CIP2A: variants seen among roughly 807,000 people sequenced by gnomAD.
CIP2A encodes the protein cellular inhibitor of PP2A, also known as protein CIP2A.
CIP2A carries 103 observed loss-of-function variants against 110.9 expected under a neutral mutation model. The observed-to-expected ratio is 0.93, with a 90% CI of 0.79 to 1.09. The LOEUF (loss-of-function observed/expected upper bound fraction) is 1.09, where lower values mean the gene tolerates loss of function less well. CIP2A is among the 50% of genes least tolerant of loss of function. The probability of loss-of-function intolerance (pLI) is 0.00; values close to 1 mark genes in which losing one functional copy is unlikely to be tolerated. For missense variants in CIP2A, 1,088 were observed against 1,038.4 expected (o/e 1.05, Z -0.66); for synonymous variants, 381 against 361.6 (o/e 1.05, Z -0.61).
intron 2 of CIP2A, 130 bp from the exon 3 acceptor site, chr3:108,583,213 T>A (rs555572201): frequency 2.2e-6 from 1 of 448,156 alleles, no homozygotes; most frequent in African/African-American, 2.0e-5. Flanking sequence ...TTATTTTCTT[T>A]ATGATAACCC....
chr3:108,580,288 G>A (rs973167893), intron 5 of CIP2A, among the ~76,000 whole-genome samples: 2 of 152,158 alleles, frequency 1.3e-5, no homozygotes, highest in African/African-American at 4.8e-5. Context: ...GGGTAGTTTC[G>A]TATATTGCTG....
chr3:108,583,046 T>C lies in CIP2A; in HGVS notation c.288A>G (p.Thr96=). Residue 96 remains threonine, a synonymous_variant, in exon 3 of 21, where the codon ACA becomes ACG. Coordinates refer to ENST00000295746, the MANE Select transcript of CIP2A (RefSeq NM_020890.3). ...DIETRDCLQN[T]YNLNSVLAGV... ...CCGCCAGCACACTATTCAGATTATA[T>C]GTATTCTGAAGACAATCTCTGGTTT... 2.5e-6 allele frequency: 4 copies of C among 1,604,606 alleles called. No individual in the cohort carries two copies. The highest frequency in any genetic ancestry group is 3.4e-6 in the Non-Finnish European group (4 of 1,175,538).
intron 20 of CIP2A, among the ~76,000 whole-genome samples, chr3:108,551,892 T>C (rs1274858015): frequency 5.3e-5 from 8 of 152,284 alleles, no homozygotes; most frequent in South Asian, 4.1e-4. Context: ...GTTTCTTCAG[T>C]TGTAAGTTGA....
Position 108,559,947 on chromosome 3 carries a change from T to G in CIP2A, c.1902+7A>C. 2 of 1,586,270 alleles carry G rather than the reference T, an allele frequency of 1.3e-6. No homozygotes were observed. Among genetic ancestry groups the G allele is most frequent in the Non-Finnish European group, 1.7e-6 (2 of 1,156,252 alleles). ...ATTACACATTGTTAAAATAAGCTTA[T>G]ACTCACAGCTAATGTGGATAGTTTC... On this transcript the variant is annotated splice_region_variant and intron_variant, in intron 15 of 20. Transcript: ENST00000295746.
intron 20 of CIP2A, 24 bp from the exon 21 acceptor site, chr3:108,551,343 G>T: frequency 6.4e-7 from 1 of 1,553,956 alleles, no homozygotes; most frequent in South Asian, 1.2e-5. Context: ...GTTGGGGGAG[G>T]AGGAAGAATT....
chr3:108,584,823 T>C lies in CIP2A; in HGVS notation c.250+242A>G, dbSNP rs929366215. On this transcript the variant is annotated intron_variant, in intron 2 of 20. Coordinates refer to ENST00000295746, the MANE Select transcript of CIP2A (RefSeq NM_020890.3). ...AGAACTAAAGAAATGGGGGAAAAGA[T>C]AGAAAAAGCAACATCAGTACTTTTA... The C allele has an allele frequency of 2.1e-5, 7 of 337,060 alleles. No homozygotes were observed. The East Asian group carries it at 2.8e-4, about 13-fold the overall frequency. The allele number at this position is 337,060 out of a possible 1,614,324, so 20.9% of individuals were successfully genotyped here.
At chr3:108,554,261 A>G in intron 18 of CIP2A, 115 bp downstream of exon 18, 6 of 549,992 alleles carry the variant, frequency 1.1e-5, no homozygotes, top group Non-Finnish European at 1.9e-5. Flanking sequence ...TCTTATATCT[A>G]AAATAAGTGA....
chr3:108,568,824 G>A (rs964163100), intron 9 of CIP2A, among the ~76,000 whole-genome samples: 2 of 151,878 alleles, frequency 1.3e-5, no homozygotes, highest in Admixed American at 1.3e-4. Flanking sequence ...TTGTTTGTGT[G>A]TAAGACCCAG....
chr3:108,575,330 GTGTATATATACATATACACA>G, intron 8 of CIP2A, among the ~76,000 whole-genome samples: 1 of 147,138 alleles, frequency 6.8e-6, no homozygotes, highest in Admixed American at 6.7e-5. Context: ...GTACACACAC[GTGTATATATACATATACACA>G]CATGTGTATA....
At chr3:108,574,445 T>C (rs751167123) in intron 8 of CIP2A, 2 of 152,218 alleles carry the variant, frequency 1.3e-5, no homozygotes, top group Non-Finnish European at 2.9e-5. Context: ...TGAACTTACG[T>C]ATATCCTATG....
At chr3:108,566,366 T>C (rs1033903757) in intron 11 of CIP2A, 131 bp downstream of exon 11, 12 of 659,320 alleles carry the variant, frequency 1.8e-5, no homozygotes, top group Admixed American at 1.2e-4. Flanking sequence ...AAATTCATTA[T>C]GAAAATATGT....
At chr3:108,551,834 T>C (rs1379223412) in intron 20 of CIP2A, among the ~76,000 whole-genome samples, 2 of 152,140 alleles carry the variant, frequency 1.3e-5, no homozygotes, top group African/African-American at 4.8e-5. Flanking sequence ...TATATACCTA[T>C]TGATTCACTT....
intron 17 of CIP2A, among the ~76,000 whole-genome samples, chr3:108,554,748 T>G (rs369539565): frequency 6.6e-6 from 1 of 152,220 alleles, no homozygotes; most frequent in Non-Finnish European, 1.5e-5. Context: ...TTTATGGATA[T>G]AAAGCCTTAT....
chr3:108,585,031 C>T (rs370239074), intron 2 of CIP2A, 34 bp downstream of exon 2: 97 of 1,583,112 alleles, frequency 6.1e-5, no homozygotes, highest in Non-Finnish European at 8.0e-5. Context: ...CATACATCTT[C>T]CAAAAACTAA....
Position 108,575,540 on chromosome 3 carries a change from T to A in CIP2A, c.894+731A>T, listed in dbSNP as rs1938570660. The stretch of plus-strand genomic sequence containing the variant: ...CATACATATATACACGTATATATAC[T>A]CATATACATGTGTATATATACGTGT... On this transcript the variant is annotated intron_variant, in intron 8 of 20. Coordinates refer to ENST00000295746, the MANE Select transcript of CIP2A (RefSeq NM_020890.3). Among the ~76,000 whole-genome samples, 2 of 150,182 alleles carry A rather than the reference T, an allele frequency of 1.3e-5. 1 individual carries two copies. Among genetic ancestry groups the A allele is most frequent in the Non-Finnish European group, 3.0e-5 (2 of 67,592 alleles).
rs1407298662 is a variant in CIP2A, at chr3:108,550,071, A to T, written c.*1078T>A. The T allele has an allele frequency of 6.6e-6, 1 of 152,026 alleles. No individual in the cohort carries two copies. The highest frequency in any genetic ancestry group is 1.5e-5 in the Non-Finnish European group (1 of 67,916). 9.4% of individuals were successfully genotyped at this position (152,026 alleles called of 1,614,324 possible). Reference sequence around the variant, plus strand: ...ATCTAAATTCACTTAAATCAAACAGACATATGGTGAAGAAAACACCAAGTA... The same window carrying T: ...ATCTAAATTCACTTAAATCAAACAGTCATATGGTGAAGAAAACACCAAGTA... On this transcript the variant is annotated 3_prime_UTR_variant, in exon 21 of 21. Transcript: ENST00000295746.
chr3:108,583,148 C>A, intron 2 of CIP2A, 65 bp from the exon 3 acceptor site: 1 of 813,320 alleles, frequency 1.2e-6, no homozygotes, highest in Non-Finnish European at 1.9e-6. Flanking sequence ...ATAATTCATA[C>A]AGAATTTATT....
chr3:108,589,398 A>G lies in CIP2A; in HGVS notation c.-23T>C. ...CATTGCACCGGCCGCGGCCCGGCTT[A>G]GGGACCACCACCGCCCAGCGTGCGC... On this transcript the variant is annotated 5_prime_UTR_variant, in exon 1 of 21. Transcript: ENST00000295746. 6.4e-7 allele frequency: 1 copy of G among 1,564,100 alleles called. No individual in the cohort carries two copies. The highest frequency in any genetic ancestry group is 8.8e-7 in the Non-Finnish European group (1 of 1,139,236).
chr3:108,564,625 TATA>T (rs1460240356), intron 12 of CIP2A, among the ~76,000 whole-genome samples: 3 of 151,924 alleles, frequency 2.0e-5, no homozygotes, highest in South Asian at 2.1e-4. Flanking sequence ...CCTGAGTTAG[TATA>T]ATAAGGAAGC....
Sources: gnomAD v4.1 joint callset for allele counts (sites outside exome capture counted in the v4.1 genomes callset) on GRCh38, gnomAD v4.1.1 for gene constraint, MANE v1.5 for transcripts, NCBI Gene and HGNC (gene_info 2026-07-23, HGNC 2026-07-21) for gene names.